Variants in WASL observed in about 807,000 individuals in gnomAD.
WASL encodes actin nucleation-promoting factor WASL.
In WASL, 20 loss-of-function variants were observed where a neutral mutation model predicts 55.5. The observed-to-expected ratio is 0.36, with a 90% CI of 0.25 to 0.52. The LOEUF (loss-of-function observed/expected upper bound fraction) is 0.52, where lower values mean the gene tolerates loss of function less well. Ranked by LOEUF, WASL falls within the 20% of genes least tolerant of loss-of-function variation. The pLI is 0.92. For missense variants in WASL, 504 were observed against 622.5 expected (o/e 0.81, Z 2.03); for synonymous variants, 249 against 217.6 (o/e 1.14, Z -1.27).
intron 4 of WASL, among the ~76,000 whole-genome samples, chr7:123,704,877 T>C (rs1462610886): frequency 1.3e-5 from 2 of 152,070 alleles, no homozygotes; most frequent in Non-Finnish European, 2.9e-5. Context: ...AAGAACATCA[T>C]GAAGACTGGA....
chr7:123,725,437 A>C (rs1219754241), intron 1 of WASL, among the ~76,000 whole-genome samples: 6 of 152,192 alleles, frequency 3.9e-5, no homozygotes, highest in Admixed American at 3.9e-4. Flanking sequence ...AAAAATTAAA[A>C]CACATGTAAT....
chr7:123,705,977 C>T (rs1803663541), intron 4 of WASL, among the ~76,000 whole-genome samples: 1 of 151,914 alleles, frequency 6.6e-6, no homozygotes. Context: ...GTATTGGGCC[C>T]TTCGGTAAAT....
intron 2 of WASL, among the ~76,000 whole-genome samples, chr7:123,707,359 T>C (rs1803687302): frequency 6.6e-6 from 1 of 152,190 alleles, no homozygotes; most frequent in Admixed American, 6.5e-5. Flanking sequence ...GCAGAGTACC[T>C]TTCTAATTAT....
intron 10 of WASL, among the ~76,000 whole-genome samples, chr7:123,685,013 C>T (rs1215288002): frequency 6.6e-6 from 1 of 151,926 alleles, no homozygotes; most frequent in African/African-American, 2.4e-5. Context: ...CATCCTGTCA[C>T]ATAATCAGGC....
At chr7:123,689,269 C>A (rs1803355327) in intron 9 of WASL, 119 bp from the exon 10 acceptor site, 1 of 728,030 alleles carries the variant, frequency 1.4e-6, no homozygotes, top group Non-Finnish European at 2.3e-6. Flanking sequence ...AGATATCAAA[C>A]TGGCAAGCGC....
chr7:123,748,067 G>A (rs558973575), intron 1 of WASL, among the ~76,000 whole-genome samples: 20 of 152,010 alleles, frequency 1.3e-4, no homozygotes, highest in Non-Finnish European at 2.5e-4. Flanking sequence ...CTTTAACGAA[G>A]AGCAATAACA....
At position 123,681,951 on chromosome 7, in the gene WASL, G is replaced by C. The variant is rs2116757086; in HGVS notation, c.*2568C>G. ...TGAAACACATTATTTTATTCTATTT[G>C]GGTCAAATTAATTTTATTATGCTCC... On this transcript the variant is annotated 3_prime_UTR_variant, in exon 11 of 11. Transcript: ENST00000223023. 6.6e-6 allele frequency: 1 copy of C among 152,056 alleles called. No individual in the cohort carries two copies. Among genetic ancestry groups the C allele is most frequent in the Admixed American group, 6.6e-5 (1 of 15,258 alleles). 9.4% of individuals were successfully genotyped at this position (152,056 alleles called of 1,614,324 possible). A position where few individuals can be genotyped will look rare whatever the true frequency, so the allele number is the denominator to read the frequency against.
chr7:123,717,233 A>AT (rs1397730788), intron 1 of WASL, among the ~76,000 whole-genome samples: 4 of 152,210 alleles, frequency 2.6e-5, no homozygotes, highest in Non-Finnish European at 5.9e-5. Context: ...CCAAACAGAC[A>AT]TTAAGTTGTT....
At chr7:123,737,293 G>C (rs1804250440) in intron 1 of WASL, among the ~76,000 whole-genome samples, 1 of 152,092 alleles carries the variant, frequency 6.6e-6, no homozygotes, top group African/African-American at 2.4e-5. Context: ...TTGTAATTTA[G>C]TAAATTATAA....
chr7:123,712,115 C>T (rs936898284), intron 1 of WASL, among the ~76,000 whole-genome samples: 1 of 152,074 alleles, frequency 6.6e-6, no homozygotes, highest in African/African-American at 2.4e-5. Flanking sequence ...TTCTCTGATT[C>T]CTTAGGTTGA....
chr7:123,714,832 G>A (rs1803812512), intron 1 of WASL, among the ~76,000 whole-genome samples: 1 of 152,094 alleles, frequency 6.6e-6, no homozygotes, highest in Non-Finnish European at 1.5e-5. Flanking sequence ...GTGTAGGAAG[G>A]CTTCCCTGAG....
At chr7:123,729,568 G>T (rs992424343) in intron 1 of WASL, among the ~76,000 whole-genome samples, 1 of 151,964 alleles carries the variant, frequency 6.6e-6, no homozygotes, top group East Asian at 1.9e-4. Context: ...TCTTGTTTTT[G>T]GAAATGAACA....
intron 8 of WASL, among the ~76,000 whole-genome samples, chr7:123,694,416 G>T (rs936826836): frequency 6.6e-6 from 1 of 152,034 alleles, no homozygotes; most frequent in African/African-American, 2.4e-5. Flanking sequence ...AAAATCTGGT[G>T]GTTTATAGGA....
chr7:123,699,366 G>C (rs1156576135), intron 5 of WASL, among the ~76,000 whole-genome samples: 5 of 152,060 alleles, frequency 3.3e-5, no homozygotes, highest in Non-Finnish European at 7.4e-5. Context: ...GACAGAGCAA[G>C]ACCCTGTCTC....
intron 1 of WASL, among the ~76,000 whole-genome samples, chr7:123,726,530 C>A (rs887511319): frequency 1.3e-5 from 2 of 152,094 alleles, no homozygotes; most frequent in Non-Finnish European, 2.9e-5. Context: ...GATACATTAG[C>A]CTCACCAAAA....
At chr7:123,735,131 CAAAAA>C (rs36043723) in intron 1 of WASL, among the ~76,000 whole-genome samples, 1 of 111,266 alleles carries the variant, frequency 9.0e-6, no homozygotes, top group Non-Finnish European at 1.9e-5. Context: ...AGTGTCTGAC[CAAAAA>C]AAAAAAAAAA....
chr7:123,706,526 C>T (rs1803673174), intron 3 of WASL, among the ~76,000 whole-genome samples, 153 bp from the exon 4 acceptor site: 1 of 152,064 alleles, frequency 6.6e-6, no homozygotes, highest in African/African-American at 2.4e-5. Context: ...AATAACTTAA[C>T]ACAAAAGCAT....
intron 1 of WASL, among the ~76,000 whole-genome samples, chr7:123,731,153 T>C (rs1190665411): frequency 6.6e-6 from 1 of 152,198 alleles, no homozygotes; most frequent in Non-Finnish European, 1.5e-5. Context: ...AGAGTAAGTA[T>C]GTATACACAC....
At chr7:123,709,389 T>C (rs1197002237) in intron 1 of WASL, among the ~76,000 whole-genome samples, 166 bp from the exon 2 acceptor site, 1 of 152,218 alleles carries the variant, frequency 6.6e-6, no homozygotes, top group Non-Finnish European at 1.5e-5. Context: ...GCCACTAGTT[T>C]CTGAAGTAAT....
Sources: gnomAD v4.1 joint callset for allele counts (sites outside exome capture counted in the v4.1 genomes callset) on GRCh38, gnomAD v4.1.1 for gene constraint, MANE v1.5 for transcripts, NCBI Gene and HGNC (gene_info 2026-07-23, HGNC 2026-07-21) for gene names.